MYCBP2: variants seen among roughly 807,000 people sequenced by gnomAD.
MYCBP2 encodes E3 ubiquitin-protein ligase MYCBP2.
MYCBP2 carries 120 observed loss-of-function variants against 525.3 expected under a neutral mutation model. The ratio of observed to expected loss-of-function variants is 0.23; its 90% CI spans 0.20 to 0.27. MYCBP2 has a LOEUF of 0.27. MYCBP2 is among the 10% of genes least tolerant of loss of function. The probability of loss-of-function intolerance (pLI) is 1.00; values close to 1 mark genes in which losing one functional copy is unlikely to be tolerated. For missense variants in MYCBP2, 4,149 were observed against 5,657.1 expected (o/e 0.73, Z 8.55); for synonymous variants, 1,894 against 1,955.8 (o/e 0.97, Z 0.83).
At chr13:77,112,506 G>A (rs1303602148) in intron 55 of MYCBP2, among the ~76,000 whole-genome samples, 1 of 151,462 alleles carries the variant, frequency 6.6e-6, no homozygotes, top group Non-Finnish European at 1.5e-5. Context: ...GCTGACTGCA[G>A]CCTCGAACTC....
chr13:77,216,550 C>T (rs1432757386), intron 21 of MYCBP2, among the ~76,000 whole-genome samples: 1 of 152,106 alleles, frequency 6.6e-6, no homozygotes, highest in Non-Finnish European at 1.5e-5. Context: ...CATTCTGAGC[C>T]TTCAGATGTG....
intron 55 of MYCBP2, among the ~76,000 whole-genome samples, chr13:77,116,630 A>G (rs892684705): frequency 2.0e-5 from 3 of 152,064 alleles, no homozygotes; most frequent in Non-Finnish European, 2.9e-5. Context: ...TAGGCAAGTA[A>G]TGATTCAGAA....
chr13:77,051,166 T>C lies in MYCBP2; in HGVS notation c.13756-4A>G, dbSNP rs760487474. On this transcript the variant is annotated splice_region_variant and splice_polypyrimidine_tract_variant and intron_variant, in intron 81 of 82. Transcript: ENST00000544440. ...CTGTGCCATGTTTGGGACACATCTA[T>C]AGCAAAAGAGAAGAGACAGACACAA... The C allele has an allele frequency of 1.3e-6, 2 of 1,598,700 alleles. No homozygotes were observed. The highest frequency in any genetic ancestry group is 1.4e-5 in the African/African-American group (1 of 73,526).
At position 77,185,187 on chromosome 13, in the gene MYCBP2, A is replaced by C; in HGVS notation, c.4635T>G (p.Thr1545=). ...AGAAAGAATGAAAGCAGGCAGTGAA[A>C]GTATTATGACATTCCTGAAGGACAG... ...LEAVLQECHN[T]FTACFHSFYP... The change falls in exon 32 of 83, where the codon ACT becomes ACG. Residue 1545 remains threonine, a synonymous_variant. Coordinates refer to ENST00000544440, the MANE Select transcript of MYCBP2 (RefSeq NM_015057.5). 1 of 1,614,150 alleles carries C rather than the reference A, an allele frequency of 6.2e-7. No individual in the cohort carries two copies. The highest frequency in any genetic ancestry group is 8.5e-7 in the Non-Finnish European group (1 of 1,179,992).
intron 55 of MYCBP2, among the ~76,000 whole-genome samples, chr13:77,117,048 G>GA (rs1833633432): frequency 6.6e-6 from 1 of 151,792 alleles, no homozygotes; most frequent in African/African-American, 2.4e-5. Context: ...TTTTTCCTTT[G>GA]TTTTTCCCTT....
intron 52 of MYCBP2, among the ~76,000 whole-genome samples, chr13:77,128,678 A>C (rs1273164144): frequency 6.6e-6 from 1 of 152,002 alleles, no homozygotes; most frequent in African/African-American, 2.4e-5. Context: ...TATCATGCTC[A>C]AGCAATAGTA....
chr13:77,232,213 A>G (rs1034240628), intron 18 of MYCBP2, among the ~76,000 whole-genome samples: 7 of 152,138 alleles, frequency 4.6e-5, no homozygotes, highest in Non-Finnish European at 1.0e-4. Flanking sequence ...ACAATTTTGC[A>G]GCAAAAAAAA....
At chr13:77,286,789 A>AAGATATATATATATAT (rs2076859155) in intron 3 of MYCBP2, among the ~76,000 whole-genome samples, 1 of 42,290 alleles carries the variant, frequency 2.4e-5, no homozygotes. Flanking sequence ...AAAAAAAAAA[A>AAGATATATATATATAT]ATATATATAT....
In MYCBP2 at chr13:77,276,740, G is replaced by A. The variant is rs1034007844; in HGVS notation, c.748+2018C>T. On this transcript the variant is annotated intron_variant, in intron 4 of 82. Transcript: ENST00000544440. ...GCAGCGCAGTGGCATGATCACAGCC[G>A]ACTGTAGCCTCAGACTCCTGGGCTC... is the stretch of plus-strand genomic sequence containing the variant. Among the ~76,000 whole-genome samples the A allele has an allele frequency of 1.1e-4, 17 of 150,958 alleles. No individual in the cohort carries two copies. In the South Asian group the frequency reaches 2.7e-3, roughly 24 times the overall value.
intron 79 of MYCBP2, among the ~76,000 whole-genome samples, chr13:77,056,451 A>G (rs9600811): frequency 0.027 from 4,050 of 152,302 alleles, 198 homozygotes; most frequent in African/African-American, 0.091. Flanking sequence ...ACATTCTTCA[A>G]AAACAGCTTT....
intron 52 of MYCBP2, 114 bp from the exon 53 acceptor site, chr13:77,126,656 A>G (rs2275562): frequency 8.7e-6 from 6 of 688,892 alleles, no homozygotes; most frequent in Admixed American, 3.2e-5. Context: ...TATAAAAAAA[A>G]CACATAACTA....
chr13:77,300,087 T>C (rs962848673), intron 1 of MYCBP2, among the ~76,000 whole-genome samples: 2 of 152,230 alleles, frequency 1.3e-5, no homozygotes, highest in African/African-American at 2.4e-5. Flanking sequence ...CAAATCTGCT[T>C]CATTTGCAAA....
intron 65 of MYCBP2, among the ~76,000 whole-genome samples, chr13:77,079,594 G>A (rs2042939476): frequency 1.3e-5 from 2 of 152,212 alleles, no homozygotes; most frequent in African/African-American, 4.8e-5. Context: ...TAGGCAGGTT[G>A]AGGAACATGG....
At position 77,261,498 on chromosome 13, in the gene MYCBP2, C is replaced by CT. The variant is rs1344615714; in HGVS notation, c.1648-124dup. On this transcript the variant is annotated intron_variant, in intron 11 of 82. Transcript: ENST00000544440. Reference sequence around the variant, plus strand: ...AATAAAATTCACATAAAAACAAACTCTTTTTTACACTATTCAGCTTCTGGG... The same window carrying CT: ...AATAAAATTCACATAAAAACAAACTCTTTTTTTACACTATTCAGCTTCTGGG... 8.3e-6 allele frequency: 6 copies of CT among 723,946 alleles called. No individual in the cohort carries two copies. In the Admixed American group the frequency reaches 1.8e-4, roughly 22 times the overall value. The allele number at this position is 723,946 out of a possible 1,614,324, so 44.8% of individuals were successfully genotyped here. A position where few individuals can be genotyped will look rare whatever the true frequency, so the allele number is the denominator to read the frequency against.
chr13:77,139,236 A>G lies in MYCBP2; in HGVS notation c.7619T>C (p.Phe2540Ser). 6.2e-7 allele frequency: 1 copy of G among 1,613,912 alleles called. No homozygotes were observed. The highest frequency in any genetic ancestry group is 8.5e-7 in the Non-Finnish European group (1 of 1,179,830). ...AAGACTCTTGCCAAGATGTTGATTA[A>G]AAGAGAGGCACCAGGCTTCAGTGTA... The part of the protein sequence containing the change: ...NGYTEAWCLS[F>S]NQHLGKSLLV... The change falls in exon 52 of 83, where the codon TTT becomes TCT. Residue 2540 changes from phenylalanine (F) to serine (S), a missense_variant. Physicochemically the swap from Phe to Ser is radical, Grantham distance 155. Transcript: ENST00000544440.
At position 77,282,096 on chromosome 13, in the gene MYCBP2, G is replaced by A. The variant is rs553888324; in HGVS notation, c.595-3185C>T. On this transcript the variant is annotated intron_variant, in intron 3 of 82. Coordinates refer to ENST00000544440, the MANE Select transcript of MYCBP2 (RefSeq NM_015057.5). ...AAGAGGCAGCAGCAGAAAGAGAGGA[G>A]GAGAAGGCTAAGATGGAGAATTCTG... Among the ~76,000 whole-genome samples the A allele has an allele frequency of 1.9e-3, 288 of 152,206 alleles. 1 individual carries two copies. Among genetic ancestry groups the A allele is most frequent in the African/African-American group, 6.8e-3 (281 of 41,544 alleles).
chr13:77,243,022 G>T, intron 17 of MYCBP2, 37 bp downstream of exon 17: 1 of 1,572,208 alleles, frequency 6.4e-7, no homozygotes, highest in South Asian at 1.1e-5. Flanking sequence ...TAGGAAAGTG[G>T]ATTTTCATGT....
intron 26 of MYCBP2, among the ~76,000 whole-genome samples, chr13:77,201,260 A>G (rs950248608): frequency 6.7e-6 from 1 of 149,656 alleles, no homozygotes; most frequent in African/African-American, 2.5e-5. Flanking sequence ...CTGATAAAAC[A>G]GACTTTAAAC....
chr13:77,225,682 C>T (rs1374661652), intron 18 of MYCBP2, 128 bp from the exon 19 acceptor site: 2 of 1,165,186 alleles, frequency 1.7e-6, no homozygotes. Flanking sequence ...GAATCTGTAG[C>T]TGTTAGAAGT....
Sources: gnomAD v4.1 joint callset for allele counts (sites outside exome capture counted in the v4.1 genomes callset) on GRCh38, gnomAD v4.1.1 for gene constraint, MANE v1.5 for transcripts, NCBI Gene and HGNC (gene_info 2026-07-23, HGNC 2026-07-21) for gene names.